Variants in CAMSAP2 observed in about 807,000 individuals in gnomAD.
The protein encoded by CAMSAP2 is calmodulin-regulated spectrin-associated protein 2.
CAMSAP2 carries 26 observed loss-of-function variants against 146.1 expected under a neutral mutation model. The ratio of observed to expected loss-of-function variants is 0.18; its 90% confidence interval spans 0.13 to 0.25. The LOEUF (loss-of-function observed/expected upper bound fraction) is 0.25, where lower values mean the gene tolerates loss of function less well. Among genes scored for constraint, CAMSAP2 ranks in the 10% least tolerant of loss-of-function variants. CAMSAP2 has a pLI of 1.00. For missense variants in CAMSAP2, 1,381 were observed against 1,759.3 expected (o/e 0.78, Z 3.85); for synonymous variants, 499 against 596.6 (o/e 0.84, Z 2.38).
intron 1 of CAMSAP2, among the ~76,000 whole-genome samples, chr1:200,748,758 A>ATT (rs535780256): frequency 1.2e-3 from 153 of 128,708 alleles, no homozygotes; most frequent in African/African-American, 4.2e-3. Context: ...TTCAGGTTTG[A>ATT]TTTTTTTTTT....
In CAMSAP2 at chr1:200,832,974, T is replaced by C. The variant is rs1229480007; in HGVS notation, c.927+129T>C. On this transcript the variant is annotated intron_variant, in intron 6 of 16. Transcript: ENST00000358823. The surrounding 1 kb of genome is among the most constrained non-coding windows in gnomAD (Gnocchi z 4.2). ...ACTTTGGGAGGACAAGGTGGGAGGA[T>C]TGCTTAAGCCTGGGAGGTTGAGGCT... 9.1e-6 allele frequency: 7 copies of C among 767,566 alleles called. No individual in the cohort carries two copies. In the African/African-American group the frequency reaches 1.1e-4, roughly 12 times the overall value. The allele number at this position is 767,566 out of a possible 1,614,324, so 47.5% of individuals were successfully genotyped here.
At chr1:200,794,209 C>CTT (rs1665824226) in intron 2 of CAMSAP2, among the ~76,000 whole-genome samples, 1 of 152,124 alleles carries the variant, frequency 6.6e-6, no homozygotes, top group African/African-American at 2.4e-5. Context: ...AGTTTAAAAA[C>CTT]TAAGATAAGA....
chr1:200,848,998 C>T lies in CAMSAP2; in HGVS notation c.2229C>T (p.Thr743=), dbSNP rs1269572410. ...GGCTTCCACAGGGACGGGACACTACCCAGCTGTTGGCCTCTGAAATGGTGC... is the reference window on the plus strand; with the variant it reads ...GGCTTCCACAGGGACGGGACACTACTCAGCTGTTGGCCTCTGAAATGGTGC... ...ETGLPQGRDT[T]QLLASEMVHL... is the part of the protein sequence containing the mutation. Residue 743 remains threonine (T), a synonymous_variant, in exon 11 of 17, where the codon ACC becomes ACT. Coordinates refer to ENST00000358823, the MANE Select transcript of CAMSAP2 (RefSeq NM_203459.4). The T allele has an allele frequency of 6.2e-7, 1 of 1,614,084 alleles. No individual in the cohort carries two copies. The highest frequency in any genetic ancestry group is 1.1e-5 in the South Asian group (1 of 91,078).
chr1:200,818,527 A>G (rs1441628516), intron 4 of CAMSAP2, among the ~76,000 whole-genome samples: 1 of 152,098 alleles, frequency 6.6e-6, no homozygotes, highest in Admixed American at 6.6e-5. Context: ...TTTCAAATGA[A>G]TTTTATCCTT....
chr1:200,855,599 T>C (rs1010227181), intron 14 of CAMSAP2, among the ~76,000 whole-genome samples: 1 of 144,742 alleles, frequency 6.9e-6, no homozygotes, highest in African/African-American at 2.6e-5. Context: ...TTTTTTATTA[T>C]TAATTTTTTT....
rs1667489524 is a variant in CAMSAP2, at chr1:200,847,441, A to G, written c.1192+149A>G. 4.1e-6 allele frequency: 3 copies of G among 730,958 alleles called. No homozygotes were observed. The African/African-American group carries it at 5.4e-5, about 13-fold the overall frequency. 45.3% of individuals were successfully genotyped at this position (730,958 alleles called of 1,614,324 possible). ...TGTTTGTTTGTTTGTTTTCTGAAAA[A>G]TGGCTATTATAACACACTAAAAGCA... On this transcript the variant is annotated intron_variant, in intron 9 of 16. Coordinates refer to ENST00000358823, the MANE Select transcript of CAMSAP2 (RefSeq NM_203459.4).
intron 4 of CAMSAP2, among the ~76,000 whole-genome samples, chr1:200,824,859 A>G (rs1258791037): frequency 6.6e-6 from 1 of 152,104 alleles, no homozygotes; most frequent in Non-Finnish European, 1.5e-5. Context: ...TGCGCCCGTA[A>G]TCCCAGCTAC....
intron 2 of CAMSAP2, among the ~76,000 whole-genome samples, chr1:200,779,042 G>A (rs1665361822): frequency 6.6e-6 from 1 of 152,202 alleles, no homozygotes; most frequent in Admixed American, 6.6e-5. Flanking sequence ...GAGTCATGAG[G>A]TAGAGTTAGG....
intron 1 of CAMSAP2, among the ~76,000 whole-genome samples, chr1:200,752,936 G>A (rs1196359992): frequency 6.6e-6 from 1 of 151,760 alleles, no homozygotes; most frequent in African/African-American, 2.4e-5. Flanking sequence ...TGTCTCTTAA[G>A]TCTCCTTTAA....
chr1:200,796,518 G>C (rs914878881), intron 2 of CAMSAP2, among the ~76,000 whole-genome samples: 8 of 152,142 alleles, frequency 5.3e-5, no homozygotes, highest in Admixed American at 1.3e-4. Flanking sequence ...CTGGGATTCT[G>C]ATAGAGATCA....
At position 200,848,942 on chromosome 1, in the gene CAMSAP2, G is replaced by A. The variant is rs754687578; in HGVS notation, c.2173G>A (p.Val725Ile). The A allele has an allele frequency of 1.2e-6, 2 of 1,614,042 alleles. No individual in the cohort carries two copies. The highest frequency in any genetic ancestry group is 1.7e-6 in the Non-Finnish European group (2 of 1,180,022). ...EGSELNIPHV[V>I]AWAQIPEETG... ...CTCTGAACTTAATATTCCTCATGTG[G>A]TTGCTTGGGCACAAATTCCAGAAGA... Residue 725 changes from valine to isoleucine, a missense_variant, in exon 11 of 17, where the codon GTT becomes ATT. Physicochemically the swap from Val to Ile is conservative, Grantham distance 29 (BLOSUM62 3). Coordinates refer to ENST00000358823, the MANE Select transcript of CAMSAP2 (RefSeq NM_203459.4).
At chr1:200,801,546 T>C (rs1666037134) in intron 2 of CAMSAP2, among the ~76,000 whole-genome samples, 1 of 152,228 alleles carries the variant, frequency 6.6e-6, no homozygotes, top group Non-Finnish European at 1.5e-5. Flanking sequence ...GGTTCCATTC[T>C]CCCCATCACT....
chr1:200,748,506 C>T (rs1664407112), intron 1 of CAMSAP2, among the ~76,000 whole-genome samples: 1 of 151,928 alleles, frequency 6.6e-6, no homozygotes, highest in African/African-American at 2.4e-5. Flanking sequence ...TCGTTGATAT[C>T]TCTTTATATT....
chr1:200,799,074 G>A lies in CAMSAP2; in HGVS notation c.400-8302G>A, dbSNP rs188885468. Among the ~76,000 whole-genome samples the A allele has an allele frequency of 1.9e-3, 294 of 152,202 alleles. 2 individuals are homozygous for A. The highest frequency in any genetic ancestry group is 6.8e-3 in the African/African-American group (282 of 41,554). ...GTGGTGCTGGATTCAGTTTGCCAGT[G>A]TTTTATTGAGGGTTTTCACATTGAT... On this transcript the variant is annotated intron_variant, in intron 2 of 16. Coordinates refer to ENST00000358823, the MANE Select transcript of CAMSAP2 (RefSeq NM_203459.4).
At chr1:200,786,961 A>G (rs1665610652) in intron 2 of CAMSAP2, among the ~76,000 whole-genome samples, 2 of 152,180 alleles carry the variant, frequency 1.3e-5, no homozygotes, top group South Asian at 4.2e-4. Flanking sequence ...ATGACAGCAC[A>G]TCTATTTATA....
At chr1:200,817,894 C>T (rs1263955608) in intron 4 of CAMSAP2, among the ~76,000 whole-genome samples, 2 of 152,172 alleles carry the variant, frequency 1.3e-5, no homozygotes, top group Non-Finnish European at 2.9e-5. Context: ...TCTCCTTTTT[C>T]CCCATCACCC....
At chr1:200,778,990 C>T (rs928218116) in intron 2 of CAMSAP2, among the ~76,000 whole-genome samples, 10 of 151,974 alleles carry the variant, frequency 6.6e-5, no homozygotes, top group African/African-American at 2.4e-4. Context: ...CTGAACAAAT[C>T]GTGGAAGGAA....
In CAMSAP2 at chr1:200,812,080, A is replaced by G. The variant is rs937257396; in HGVS notation, c.562-3481A>G. 2.6e-5 allele frequency among the ~76,000 whole-genome samples: 4 copies of G among 151,928 alleles called. No individual in the cohort carries two copies. In the South Asian group the frequency reaches 8.3e-4, roughly 32 times the overall value. On this transcript the variant is annotated intron_variant, in intron 3 of 16. Transcript: ENST00000358823. ...CTTGTTTTCTATACCCTAACACTCT[A>G]CTTTTTTTCTTTCATAGCACTTTTC...
intron 2 of CAMSAP2, among the ~76,000 whole-genome samples, chr1:200,787,983 A>G (rs758186929): frequency 3.9e-5 from 6 of 152,344 alleles, no homozygotes; most frequent in East Asian, 1.9e-4. Context: ...ATTGCACTCA[A>G]TAGATTACAG....
Sources: allele counts gnomAD v4.1 joint callset (sites outside exome capture counted in the v4.1 genomes callset), GRCh38; gene constraint gnomAD v4.1.1; non-coding constraint Gnocchi (gnomAD v3.1); transcripts MANE v1.5; gene names NCBI Gene and HGNC (gene_info 2026-07-23, HGNC 2026-07-21).